Variants in NEBL observed in about 807,000 individuals in gnomAD.
NEBL encodes nebulette.
A neutral mutation model predicts 140.2 loss-of-function variants in NEBL; 122 were observed. The ratio of observed to expected loss-of-function variants is 0.87; its 90% CI spans 0.75 to 1.01. NEBL has a LOEUF of 1.01. Ranked by LOEUF, NEBL falls within the 50% of genes least tolerant of loss-of-function variation. The pLI is 0.00. For synonymous variants in NEBL, 436 were observed against 398.9 expected (o/e 1.09, Z -1.11); for missense variants, 1,365 against 1,231.3 (o/e 1.11, Z -1.62).
At chr10:21,178,937 C>T (rs577582412), upstream of NEBL, among the ~76,000 whole-genome samples, 2 of 152,216 alleles carry the variant, frequency 1.3e-5, no homozygotes, top group Non-Finnish European at 2.9e-5. Flanking sequence ...AAATAATCCA[C>T]TCCCTAAAAT....
intron 26 of NEBL, among the ~76,000 whole-genome samples, chr10:20,794,539 T>C (rs1470408384): frequency 1.3e-5 from 2 of 152,206 alleles, no homozygotes; most frequent in African/African-American, 4.8e-5. Context: ...ATGTATCCTT[T>C]TAATCGTTAA....
intron 2 of NEBL, among the ~76,000 whole-genome samples, chr10:21,097,661 C>A (rs1434142750): frequency 6.6e-6 from 1 of 152,052 alleles, no homozygotes; most frequent in Non-Finnish European, 1.5e-5. Flanking sequence ...GCTACAAGAA[C>A]AAATGAAAGA....
intron 4 of NEBL, among the ~76,000 whole-genome samples, chr10:20,919,041 A>AT (rs896035087): frequency 8.5e-5 from 13 of 152,108 alleles, no homozygotes; most frequent in Non-Finnish European, 1.9e-4. Context: ...TGGTATTACT[A>AT]TTACTCATTT....
intron 3 of NEBL, among the ~76,000 whole-genome samples, chr10:20,962,160 T>C (rs1412709076): frequency 6.6e-6 from 1 of 152,202 alleles, no homozygotes; most frequent in Non-Finnish European, 1.5e-5. Context: ...ATTAATACCA[T>C]TACTACTGTG....
intron 2 of NEBL, among the ~76,000 whole-genome samples, chr10:21,150,889 G>T (rs770048574): frequency 1.8e-4 from 28 of 152,130 alleles, no homozygotes; most frequent in Non-Finnish European, 2.5e-4. Flanking sequence ...GAAGAACAAG[G>T]TTCCGTTGTC....
intron 3 of NEBL, 52 bp downstream of exon 3, chr10:20,889,793 A>G: frequency 1.8e-6 from 2 of 1,084,420 alleles, no homozygotes; most frequent in Non-Finnish European, 1.4e-6. Flanking sequence ...TTTCATCTAT[A>G]TAATAAGAAA....
chr10:21,288,072 T>C (rs1437713206), intron 1 of NEBL, among the ~76,000 whole-genome samples: 2 of 152,196 alleles, frequency 1.3e-5, no homozygotes, highest in African/African-American at 2.4e-5. Context: ...AGATAATGCA[T>C]ATAAAGTGCT....
At chr10:21,024,068 GAA>G (rs5783760) in intron 2 of NEBL, among the ~76,000 whole-genome samples, 4,090 of 133,094 alleles carry the variant, frequency 0.031, 184 homozygotes, top group African/African-American at 0.1. Context: ...TTACTCTGGG[GAA>G]AAAAAAAAAA....
intron 11 of NEBL, 59 bp from the exon 12 acceptor site, chr10:20,845,427 G>T (rs952312458): frequency 1.2e-5 from 13 of 1,097,072 alleles, no homozygotes; most frequent in African/African-American, 3.1e-5. Flanking sequence ...ATTGAAAAGA[G>T]ATTTGAACAA....
At position 20,871,529 on chromosome 10, in the gene NEBL, T is replaced by C. The variant is rs534488949; in HGVS notation, c.481-1688A>G. On this transcript the variant is annotated intron_variant, in intron 5 of 27. Transcript: ENST00000377122. ...TGTGCGTTATGTTATTTTATTTCAA[T>C]GAAACATTTATATACACTTCTACTT... Among the ~76,000 whole-genome samples the C allele has an allele frequency of 3.9e-5, 6 of 152,346 alleles. No individual in the cohort carries two copies. The South Asian group carries it at 1.2e-3, about 32-fold the overall frequency.
rs1049085013 is a variant in NEBL at position 20,910,174 on chromosome 10, A to T, written c.357+51498T>A. On this transcript the variant is annotated intron_variant, in intron 4 of 6. Transcript: ENST00000417816. ...TTTAGAAGAAATGAGTTGAGGACAT[A>T]CTTTTTTAAAAATTATCTATATAGT... Among the ~76,000 whole-genome samples, 63 of 152,208 alleles carry T rather than the reference A, an allele frequency of 4.1e-4. 1 individual carries two copies. Among genetic ancestry groups the T allele is most frequent in the African/African-American group, 1.4e-3 (59 of 41,450 alleles).
chr10:21,191,695 G>A (rs149871299), intron 3 of NEBL, among the ~76,000 whole-genome samples: 1 of 152,150 alleles, frequency 6.6e-6, no homozygotes, highest in Non-Finnish European at 1.5e-5. Flanking sequence ...TTTAACAATA[G>A]GTACATTATA....
intron 3 of NEBL, among the ~76,000 whole-genome samples, chr10:21,244,895 G>A (rs1474178604): frequency 6.6e-6 from 1 of 151,658 alleles, no homozygotes; most frequent in Admixed American, 6.6e-5. Context: ...AATAGCACAT[G>A]CCTGTAATCC....
rs1265949507 is a variant in NEBL at position 20,783,987 on chromosome 10, T to G, written c.*1760A>C. 1 of 152,230 alleles carries G rather than the reference T, an allele frequency of 6.6e-6. No individual in the cohort carries two copies. The highest frequency in any genetic ancestry group is 2.4e-5 in the African/African-American group (1 of 41,450). The allele number at this position is 152,230 out of a possible 1,614,324, so 9.4% of individuals were successfully genotyped here. On this transcript the variant is annotated 3_prime_UTR_variant, in exon 28 of 28. Coordinates refer to ENST00000377122, the MANE Select transcript of NEBL (RefSeq NM_006393.3). ...ATAAAGCCTATTTACCCTTTTAGCC[T>G]AATAAAATGAAATCACAGATTTTCA...
intron 3 of NEBL, among the ~76,000 whole-genome samples, chr10:21,234,462 G>A (rs35120966): frequency 0.04 from 6,125 of 152,120 alleles, 189 homozygotes; most frequent in South Asian, 0.14. Flanking sequence ...AGCTCCCTGT[G>A]GTCTCACCAG....
chr10:20,931,271 A>T (rs1564448628), intron 4 of NEBL, among the ~76,000 whole-genome samples: 1 of 152,170 alleles, frequency 6.6e-6, no homozygotes, highest in African/African-American at 2.4e-5. Context: ...GAGATTTTTA[A>T]AAAAAAATCT....
At chr10:20,959,845 T>C (rs1234154123) in intron 4 of NEBL, among the ~76,000 whole-genome samples, 2 of 152,016 alleles carry the variant, frequency 1.3e-5, no homozygotes, top group Non-Finnish European at 2.9e-5. Context: ...GTCTAAATAA[T>C]AGGCTTAATC....
At chr10:20,867,187 A>T (rs979671521) in intron 7 of NEBL, among the ~76,000 whole-genome samples, 5 of 152,118 alleles carry the variant, frequency 3.3e-5, no homozygotes, top group Non-Finnish European at 7.4e-5. Context: ...TAAATTTTTT[A>T]AACCCTCTTT....
At chr10:20,966,955 T>C (rs1836341641) in intron 3 of NEBL, among the ~76,000 whole-genome samples, 1 of 152,198 alleles carries the variant, frequency 6.6e-6, no homozygotes, top group Non-Finnish European at 1.5e-5. Flanking sequence ...TTGGAGATTA[T>C]GTAGGTCATA....
Sources: gnomAD v4.1 joint callset for allele counts (sites outside exome capture counted in the v4.1 genomes callset) on GRCh38, gnomAD v4.1.1 for gene constraint, MANE v1.5 for transcripts, NCBI Gene and HGNC (gene_info 2026-07-23, HGNC 2026-07-21) for gene names.